The following SBNO2 variants were observed in gnomAD, a reference collection of about 807,000 sequenced individuals.
The protein encoded by SBNO2 is protein strawberry notch homolog 2.
A neutral mutation model predicts 146.3 loss-of-function variants in SBNO2; 89 were observed. The ratio of observed to expected loss-of-function variants is 0.61; its 90% confidence interval spans 0.51 to 0.73. The LOEUF is 0.73. Among genes scored for constraint, SBNO2 ranks in the 30% least tolerant of loss-of-function variants. The pLI is 0.00. For synonymous variants in SBNO2, 1,147 were observed against 892.6 expected, an observed-to-expected ratio of 1.29 and a Z score of -5.08; for missense variants, 2,092 against 2,003.7, an observed-to-expected ratio of 1.04 and a Z score of -0.84.
rs776517859 is a variant in SBNO2, at chr19:1,109,687, TAGA to T, written c.3116_3118del (p.Phe1039del). The T allele has an allele frequency of 1.2e-6, 2 of 1,607,352 alleles. No homozygotes were observed. The highest frequency in any genetic ancestry group is 8.5e-7 in the Non-Finnish European group (1 of 1,176,646). On this transcript the variant is annotated inframe_deletion, in exon 27 of 32. Coordinates refer to ENST00000361757, the MANE Select transcript of SBNO2 (RefSeq NM_014963.3). The surrounding 1 kb of genome is among the most constrained non-coding windows in gnomAD (Gnocchi z 4.2). Reference sequence around the variant, plus strand: ...GCTGTGGGGCTTCCTGCTGACCTTGTAGAAGACCACCTGCCCGTCCTGCGGGTG... The same window carrying T: ...GCTGTGGGGCTTCCTGCTGACCTTGTAGACCACCTGCCCGTCCTGCGGGTG...
chr19:1,109,853 G>A lies in SBNO2; in HGVS notation c.3029-76C>T, dbSNP rs527834305. 8.6e-4 allele frequency: 990 copies of A among 1,145,330 alleles called. 1 individual carries two copies. Among genetic ancestry groups the A allele is most frequent in the Middle Eastern group, 1.1e-3 (4 of 3,596 alleles). 70.9% of individuals were successfully genotyped at this position (1,145,330 alleles called of 1,614,324 possible). Reference sequence around the variant, plus strand: ...TGGGGCCAGGGTCAGTCCCGTAGCCGGGGCGCACCCTAGAGACGACCCCCC... The same window carrying A: ...TGGGGCCAGGGTCAGTCCCGTAGCCAGGGCGCACCCTAGAGACGACCCCCC... On this transcript the variant is annotated intron_variant, in intron 26 of 31. Transcript: ENST00000361757. This position sits in a 1 kb window ranked among gnomAD's most constrained non-coding sequence, Gnocchi z 4.2.
Position 1,169,445 on chromosome 19 carries a change from T to A in SBNO2, c.-127+4727A>T, listed in dbSNP as rs550348109. The stretch of plus-strand genomic sequence containing the variant: ...AGGCACCCTCAGGCTGACTGGCCCC[T>A]GTGTGCCACCCATGTGGCCCAAGGC... On this transcript the variant is annotated intron_variant, in intron 1 of 31. Transcript: ENST00000361757. 5.8e-4 allele frequency among the ~76,000 whole-genome samples: 89 copies of A among 152,190 alleles called. 1 individual carries two copies. Among genetic ancestry groups the A allele is most frequent in the Non-Finnish European group, 1.2e-3 (82 of 68,004 alleles).
Position 1,122,199 on chromosome 19 carries a change from GCC to G in SBNO2, c.1087_1088del (p.Gly363ProfsTer63). 1.3e-6 allele frequency: 2 copies of G among 1,555,020 alleles called. No individual in the cohort carries two copies. Among genetic ancestry groups the G allele is most frequent in the Non-Finnish European group, 1.7e-6 (2 of 1,150,218 alleles). ...SALIGESQAG[G>X]QHRTRLRQIL... is the part of the protein sequence containing the mutation. ...TCTGCCGGAGGCGAGTGCGGTGCTG[GCC>G]GCCGGCCTGGCTCTCCCCAATCAGG... On this transcript the variant is annotated frameshift_variant, in exon 11 of 32. Coordinates refer to ENST00000361757, the MANE Select transcript of SBNO2 (RefSeq NM_014963.3). LOFTEE classifies it high-confidence loss of function.
rs1008347015 is a variant in SBNO2 at position 1,110,113 on chromosome 19, A to C, written c.3029-336T>G. ...AGGTAACCCCAAGCAGGCTGTGAGGAGATTGTAGGAGCCTGGGGGCTGCTC... is the reference window on the plus strand; with the variant it reads ...AGGTAACCCCAAGCAGGCTGTGAGGCGATTGTAGGAGCCTGGGGGCTGCTC... On this transcript the variant is annotated intron_variant, in intron 26 of 31. Coordinates refer to ENST00000361757, the MANE Select transcript of SBNO2 (RefSeq NM_014963.3). This position sits in a 1 kb window ranked among gnomAD's most constrained non-coding sequence, Gnocchi z 4.9. Among the ~76,000 whole-genome samples, 2 of 140,016 alleles carry C rather than the reference A, an allele frequency of 1.4e-5. No individual in the cohort carries two copies. The highest frequency in any genetic ancestry group is 3.1e-5 in the Non-Finnish European group (2 of 65,330). The allele number at this position is 140,016 out of a possible 152,430, so 91.9% of individuals were successfully genotyped here.
chr19:1,123,195 G>A (rs1013994108), intron 7 of SBNO2, 150 bp from the exon 8 acceptor site: 13 of 938,224 alleles, frequency 1.4e-5, no homozygotes, highest in Middle Eastern at 3.3e-4. Flanking sequence ...GGTCATGGGC[G>A]TGGCCAGGAA....
chr19:1,123,679 G>A, intron 6 of SBNO2, 40 bp from the exon 7 acceptor site: 1 of 1,560,560 alleles, frequency 6.4e-7, no homozygotes, highest in South Asian at 1.2e-5. Context: ...CTGCAGGCCT[G>A]AGCGGCCGCG....
chr19:1,123,168 C>A, intron 7 of SBNO2, 123 bp from the exon 8 acceptor site: 1 of 1,147,254 alleles, frequency 8.7e-7, no homozygotes, highest in South Asian at 1.4e-5. Context: ...GGGGGCGTGG[C>A]CAGGTCCCGT....
chr19:1,155,408 C>T (rs8105849), intron 1 of SBNO2, among the ~76,000 whole-genome samples: 5,153 of 151,696 alleles, frequency 0.034, 143 homozygotes, highest in Non-Finnish European at 0.051. Flanking sequence ...CCTGCCAGGC[C>T]GTCCCAACTG....
Position 1,117,372 on chromosome 19 carries a change from T to C in SBNO2, c.1655A>G (p.Lys552Arg). The C allele has an allele frequency of 6.3e-7, 1 of 1,585,386 alleles. No homozygotes were observed. Among genetic ancestry groups the C allele is most frequent in the Non-Finnish European group, 8.6e-7 (1 of 1,167,254 alleles). Residue 552 changes from lysine (K) to arginine (R), a missense_variant, in exon 15 of 32, where the codon AAG becomes AGG. Coordinates refer to ENST00000361757, the MANE Select transcript of SBNO2 (RefSeq NM_014963.3). ...GGCCAGCTCCACCAGCCGGCGCACC[T>C]TGGCTGCGATGCACAGATACTTGAA... Reference protein sequence around the residue: ...RFFKYLCIAAKVRRLVELARE... With the variant: ...RFFKYLCIAARVRRLVELARE...
chr19:1,125,129 A>T (rs2079950596), intron 5 of SBNO2, among the ~76,000 whole-genome samples: 1 of 150,622 alleles, frequency 6.6e-6, no homozygotes, highest in Non-Finnish European at 1.5e-5. Flanking sequence ...AAGGCCTCCC[A>T]GAGTGGAGGT....
chr19:1,117,568 C>A, intron 14 of SBNO2, 69 bp from the exon 15 acceptor site: 1 of 1,471,818 alleles, frequency 6.8e-7, no homozygotes, highest in Non-Finnish European at 9.1e-7. Flanking sequence ...CCCGGCCCAC[C>A]TGCCGCCAGC....
chr19:1,166,490 G>GTGTTTAT (rs1273863032), intron 1 of SBNO2, among the ~76,000 whole-genome samples: 1 of 152,132 alleles, frequency 6.6e-6, no homozygotes, highest in Non-Finnish European at 1.5e-5. Context: ...CTCGGGTCTT[G>GTGTTTAT]TGTTTATTTT....
intron 1 of SBNO2, among the ~76,000 whole-genome samples, chr19:1,162,102 G>C (rs1210690287): frequency 6.9e-6 from 1 of 143,900 alleles, no homozygotes; most frequent in Admixed American, 6.9e-5. Context: ...AGGGCTCAGG[G>C]ACCACTCCAC....
At chr19:1,117,544 C>G in intron 14 of SBNO2, 45 bp from the exon 15 acceptor site, 1 of 1,513,810 alleles carries the variant, frequency 6.6e-7, no homozygotes, top group Non-Finnish European at 8.9e-7. Flanking sequence ...TGGCTCCTGG[C>G]TCCCGACCCG....
Position 1,108,841 on chromosome 19 carries a change from A to C in SBNO2, c.3554T>G (p.Val1185Gly). 6.2e-7 allele frequency: 1 copy of C among 1,600,428 alleles called. No homozygotes were observed. Among genetic ancestry groups the C allele is most frequent in the South Asian group, 1.1e-5 (1 of 90,708 alleles). The change falls in exon 31 of 32, where the codon GTC becomes GGC. Residue 1185 changes from valine to glycine, a missense_variant. Coordinates refer to ENST00000361757, the MANE Select transcript of SBNO2 (RefSeq NM_014963.3). ...GATCTGCAGGTAGCTGCTGCTGCTGACGTCGGCCATGACGGCGGCGATGCG... is the reference window on the plus strand; with the variant it reads ...GATCTGCAGGTAGCTGCTGCTGCTGCCGTCGGCCATGACGGCGGCGATGCG... ...WGRIAAVMAD[V>G]SSSSYLQIVR...
chr19:1,166,019 T>C (rs1354046143), intron 1 of SBNO2, among the ~76,000 whole-genome samples: 28 of 57,184 alleles, frequency 4.9e-4, no homozygotes, highest in Non-Finnish European at 5.7e-4. Context: ...ATCCCAGACC[T>C]CAGACCCCAG....
rs942349181 is a variant in SBNO2 at position 1,116,163 on chromosome 19, C to T, written c.1803-60G>A. 48 of 1,512,482 alleles carry T rather than the reference C, an allele frequency of 3.2e-5. No individual in the cohort carries two copies. The African/African-American group carries it at 4.6e-4, about 14-fold the overall frequency. The allele number at this position is 1,512,482 out of a possible 1,614,324, so 93.7% of individuals were successfully genotyped here. A position where few individuals can be genotyped will look rare whatever the true frequency, so the allele number is the denominator to read the frequency against. ...GGAGCTGAGGCCAGGCGGGGTTGCT[C>T]TCCAGGAGCTGGACGCACCCCTGGG... is the stretch of plus-strand genomic sequence containing the variant. On this transcript the variant is annotated intron_variant, in intron 16 of 31. Transcript: ENST00000361757.
rs781165267 is a variant in SBNO2 at position 1,122,811 on chromosome 19, G to A, written c.781-20C>T. The A allele has an allele frequency of 3.1e-5, 47 of 1,538,048 alleles. No individual in the cohort carries two copies. The Middle Eastern group carries it at 5.0e-4, about 16-fold the overall frequency. On this transcript the variant is annotated intron_variant, in intron 8 of 31. Coordinates refer to ENST00000361757, the MANE Select transcript of SBNO2 (RefSeq NM_014963.3). ...GTGTTGCTGTTGCCGGAGAGCAGGC[G>A]TCAGGGCCTGGGGGTGCTGGCCCGG...
rs760519703 is a variant in SBNO2 at position 1,156,446 on chromosome 19, G to A, written c.-126-2044C>T. Among the ~76,000 whole-genome samples, 8 of 152,064 alleles carry A rather than the reference G, an allele frequency of 5.3e-5. 1 individual carries two copies. The highest frequency in any genetic ancestry group is 3.3e-4 in the Admixed American group (5 of 15,272). Reference sequence around the variant, plus strand: ...AAAACCAGGAGGCGGAGGCGGAGGCGGATCCTCACACACGGCTGCTTGGCA... The same window carrying A: ...AAAACCAGGAGGCGGAGGCGGAGGCAGATCCTCACACACGGCTGCTTGGCA... On this transcript the variant is annotated intron_variant, in intron 1 of 31. Transcript: ENST00000361757.
Sources: gnomAD v4.1 joint callset for allele counts (sites outside exome capture counted in the v4.1 genomes callset) on GRCh38, gnomAD v4.1.1 for gene constraint, Gnocchi (gnomAD v3.1) non-coding constraint, MANE v1.5 for transcripts, NCBI Gene and HGNC (gene_info 2026-07-23, HGNC 2026-07-21) for gene names.